The following RALA variants were observed in gnomAD, a reference collection of about 807,000 sequenced individuals.
RALA encodes the protein RAS like proto-oncogene A, also known as ras-related protein Ral-A.
In RALA, 5 loss-of-function variants were observed where a neutral mutation model predicts 24.0. The ratio of observed to expected loss-of-function variants is 0.21; its 90% CI spans 0.11 to 0.44. The LOEUF (loss-of-function observed/expected upper bound fraction) is 0.44. RALA is among the 20% of genes least tolerant of loss of function. The pLI is 0.99. For missense variants in RALA, 95 were observed against 241.2 expected, an observed-to-expected ratio of 0.39 and a Z score of 4.01; for synonymous variants, 77 against 83.8, an observed-to-expected ratio of 0.92 and a Z score of 0.44.
chr7:39,686,663 A>AC lies in RALA; in HGVS notation c.-4dup. The AC allele has an allele frequency of 6.2e-7, 1 of 1,610,494 alleles. No homozygotes were observed. Among genetic ancestry groups the AC allele is most frequent in the Non-Finnish European group, 8.5e-7 (1 of 1,176,644 alleles). ...TTAATCCTTTGGTGAAAACTGAGAC[A>AC]CAAAATGGCTGCAAATAAGCCCAAG... On this transcript the variant is annotated 5_prime_UTR_variant, in exon 2 of 5. Coordinates refer to ENST00000005257, the MANE Select transcript of RALA (RefSeq NM_005402.4).
rs1792049914 is a variant in RALA at position 39,653,340 on chromosome 7, T to G, written c.-38+29515T>G. On this transcript the variant is annotated intron_variant, in intron 1 of 4. Coordinates refer to ENST00000005257, the MANE Select transcript of RALA (RefSeq NM_005402.4). ...ACCACGCCCGGCCTATTATTATTGT[T>G]TTTTGAGATAGGGTCTTGCTCTGTC... Among the ~76,000 whole-genome samples, 3 of 152,104 alleles carry G rather than the reference T, an allele frequency of 2.0e-5. No homozygotes were observed. In the South Asian group the frequency reaches 6.2e-4, roughly 31 times the overall value.
intron 1 of RALA, among the ~76,000 whole-genome samples, chr7:39,662,373 T>G (rs1326072221): frequency 6.6e-6 from 1 of 152,202 alleles, no homozygotes; most frequent in Admixed American, 6.5e-5. Flanking sequence ...TTTTTTTTCC[T>G]ATTGCATTGT....
chr7:39,669,086 C>A (rs1792335567), intron 1 of RALA, among the ~76,000 whole-genome samples: 2 of 152,142 alleles, frequency 1.3e-5, no homozygotes, highest in South Asian at 4.2e-4. Flanking sequence ...TGCACTCCGG[C>A]CTAGCGACAG....
chr7:39,696,352 A>C (rs1792920755), intron 3 of RALA, among the ~76,000 whole-genome samples: 1 of 152,228 alleles, frequency 6.6e-6, no homozygotes, highest in African/African-American at 2.4e-5. Context: ...GCCAGCCAGC[A>C]GTCCTCAAAA....
At chr7:39,641,014 C>G (rs1369925992) in intron 1 of RALA, among the ~76,000 whole-genome samples, 1 of 152,148 alleles carries the variant, frequency 6.6e-6, no homozygotes, top group African/African-American at 2.4e-5. Context: ...GACAGTCTTC[C>G]TCACTAGCCC....
At chr7:39,678,591 T>A (rs937709621) in intron 1 of RALA, among the ~76,000 whole-genome samples, 7 of 152,164 alleles carry the variant, frequency 4.6e-5, no homozygotes, top group African/African-American at 1.7e-4. Flanking sequence ...CTTTAAAAAG[T>A]TGAACGGTAA....
intron 1 of RALA, among the ~76,000 whole-genome samples, chr7:39,674,004 G>A (rs1235974510): frequency 1.3e-5 from 2 of 151,182 alleles, no homozygotes; most frequent in African/African-American, 4.9e-5. Context: ...AAGAAAATTA[G>A]CCTGGAAGTA....
intron 1 of RALA, among the ~76,000 whole-genome samples, chr7:39,673,346 A>C (rs181778545): frequency 1.3e-5 from 2 of 152,048 alleles, no homozygotes; most frequent in Non-Finnish European, 2.9e-5. Flanking sequence ...GTCTTTTTTT[A>C]CTGTCAGAGT....
At chr7:39,702,250 C>G (rs186275307) in intron 4 of RALA, among the ~76,000 whole-genome samples, 1 of 152,228 alleles carries the variant, frequency 6.6e-6, no homozygotes, top group Admixed American at 6.5e-5. Flanking sequence ...CCCTCCCTTT[C>G]AGTAACCAGT....
chr7:39,631,124 C>G (rs1489381941), intron 1 of RALA, among the ~76,000 whole-genome samples: 1 of 151,760 alleles, frequency 6.6e-6, no homozygotes, highest in Non-Finnish European at 1.5e-5. Flanking sequence ...TCTCCTGCCT[C>G]AGCCTCCCAT....
chr7:39,657,094 G>A (rs184143552), intron 1 of RALA, among the ~76,000 whole-genome samples: 1 of 152,198 alleles, frequency 6.6e-6, no homozygotes, highest in East Asian at 1.9e-4. Context: ...AGTCTCCCGG[G>A]TAGCTGGGAT....
intron 1 of RALA, among the ~76,000 whole-genome samples, chr7:39,679,992 C>T (rs1248231978): frequency 6.6e-6 from 1 of 152,104 alleles, no homozygotes; most frequent in Non-Finnish European, 1.5e-5. Context: ...AGCCACCGCG[C>T]CTGGCCAGAA....
Position 39,628,197 on chromosome 7 carries a change from G to T in RALA, c.-38+4372G>T, listed in dbSNP as rs552311663. 6.5e-4 allele frequency among the ~76,000 whole-genome samples: 99 copies of T among 151,698 alleles called. 2 individuals are homozygous for T. The Middle Eastern group carries it at 0.017, about 26-fold the overall frequency. On this transcript the variant is annotated intron_variant, in intron 1 of 4. Coordinates refer to ENST00000005257, the MANE Select transcript of RALA (RefSeq NM_005402.4). ...TAATTCTCCAAAAAATTACAATTAG[G>T]TTCTCTCTCTGGATCCCATCCCTCA... is the stretch of plus-strand genomic sequence containing the variant.
intron 4 of RALA, among the ~76,000 whole-genome samples, chr7:39,702,728 G>C (rs139862969): frequency 1.3e-5 from 2 of 152,300 alleles, no homozygotes; most frequent in Non-Finnish European, 2.9e-5. Flanking sequence ...GATAGAACTG[G>C]AGACAATTAA....
chr7:39,683,920 T>TA (rs1332081558), intron 1 of RALA, among the ~76,000 whole-genome samples: 1 of 152,156 alleles, frequency 6.6e-6, no homozygotes, highest in Non-Finnish European at 1.5e-5. Context: ...GCTCATGTGA[T>TA]ATGTACTGTT....
At chr7:39,630,919 T>A (rs1473832522) in intron 1 of RALA, among the ~76,000 whole-genome samples, 1 of 152,170 alleles carries the variant, frequency 6.6e-6, no homozygotes, top group Non-Finnish European at 1.5e-5. Context: ...TTATAGCGCT[T>A]CCTCTTCATT....
chr7:39,693,892 T>A (rs530039430), intron 3 of RALA, among the ~76,000 whole-genome samples: 171 of 152,352 alleles, frequency 1.1e-3, no homozygotes, highest in Non-Finnish European at 2.0e-3. Flanking sequence ...GCCCATAGTC[T>A]GTGCGGCCTA....
intron 1 of RALA, among the ~76,000 whole-genome samples, chr7:39,647,063 G>A (rs1791938193): frequency 6.6e-6 from 1 of 152,060 alleles, no homozygotes; most frequent in African/African-American, 2.4e-5. Flanking sequence ...TTATTTTGGG[G>A]ACAGGGTCTC....
intron 1 of RALA, among the ~76,000 whole-genome samples, chr7:39,671,049 A>G (rs1792373619): frequency 6.6e-6 from 1 of 152,036 alleles, no homozygotes; most frequent in African/African-American, 2.4e-5. Flanking sequence ...CCTCACAACT[A>G]ATCTAGTTCA....
Sources: gnomAD v4.1 joint callset for allele counts (sites outside exome capture counted in the v4.1 genomes callset) on GRCh38, gnomAD v4.1.1 for gene constraint, MANE v1.5 for transcripts, NCBI Gene and HGNC (gene_info 2026-07-23, HGNC 2026-07-21) for gene names.